Variants in CCT4 observed in about 807,000 individuals in gnomAD.
CCT4 encodes the protein T-complex protein 1 subunit delta.
CCT4 carries 17 observed loss-of-function variants against 62.5 expected under a neutral mutation model. The ratio of observed to expected loss-of-function variants is 0.27; its 90% CI spans 0.19 to 0.41. CCT4 has a LOEUF of 0.41. CCT4 is among the 10% of genes least tolerant of loss of function. The pLI is 1.00. For synonymous variants in CCT4, 250 were observed against 229.9 expected, an observed-to-expected ratio of 1.09 and a Z score of -0.79; for missense variants, 592 against 659.2, an observed-to-expected ratio of 0.90 and a Z score of 1.12.
intron 12 of CCT4, among the ~76,000 whole-genome samples, chr2:61,871,425 C>G (rs923971917): frequency 7.2e-5 from 11 of 152,230 alleles, no homozygotes; most frequent in African/African-American, 2.6e-4. Flanking sequence ...AGGTGAAGAA[C>G]TGCTTGGTCC....
At chr2:61,876,845 T>C in intron 7 of CCT4, 75 bp downstream of exon 7, 4 of 1,290,000 alleles carry the variant, frequency 3.1e-6, no homozygotes, top group Non-Finnish European at 4.3e-6. Flanking sequence ...TAGTATTTTC[T>C]ATTTTTAATA....
In CCT4 at chr2:61,879,026, A is replaced by T. The variant is rs748713191; in HGVS notation, c.380-15T>A. On this transcript the variant is annotated splice_polypyrimidine_tract_variant and intron_variant, in intron 4 of 13. Coordinates refer to ENST00000394440, the MANE Select transcript of CCT4 (RefSeq NM_006430.4). ...TGGATGAATCCCTGTAATTTGTGAAAGTCTAGTTATTTAATTGTAACAGGT... is the reference window on the plus strand; with the variant it reads ...TGGATGAATCCCTGTAATTTGTGAATGTCTAGTTATTTAATTGTAACAGGT... 3 of 1,575,952 alleles carry T rather than the reference A, an allele frequency of 1.9e-6. No homozygotes were observed. The highest frequency in any genetic ancestry group is 2.3e-5 in the South Asian group (2 of 85,364).
chr2:61,878,119 T>A (rs2105133222), intron 5 of CCT4, among the ~76,000 whole-genome samples: 1 of 152,294 alleles, frequency 6.6e-6, no homozygotes. Flanking sequence ...TCTAAGGACA[T>A]CCAACAGTAT....
chr2:61,878,830 T>A (rs762065548), intron 5 of CCT4, 39 bp downstream of exon 5: 1 of 1,497,162 alleles, frequency 6.7e-7, no homozygotes, highest in Non-Finnish European at 9.2e-7. Flanking sequence ...TAACACACTT[T>A]TAACTAATTT....
chr2:61,878,788 T>A lies in CCT4; in HGVS notation c.522+81A>T, dbSNP rs1669051894. ...CCTAGCCACTCTTGAGATTTAGTAT[T>A]TATGTACCGTATAGCATCAAGAATC... On this transcript the variant is annotated intron_variant, in intron 5 of 13. Coordinates refer to ENST00000394440, the MANE Select transcript of CCT4 (RefSeq NM_006430.4). 3.2e-5 allele frequency: 29 copies of A among 906,092 alleles called. No individual in the cohort carries two copies. The East Asian group carries it at 7.5e-4, about 23-fold the overall frequency. 56.1% of individuals were successfully genotyped at this position (906,092 alleles called of 1,614,324 possible). A position where few individuals can be genotyped will look rare whatever the true frequency, so the allele number is the denominator to read the frequency against.
chr2:61,878,448 G>A (rs1669045780), intron 5 of CCT4, among the ~76,000 whole-genome samples: 2 of 152,120 alleles, frequency 1.3e-5, no homozygotes, highest in African/African-American at 4.8e-5. Flanking sequence ...ATAAAATGGG[G>A]ATATGACTAT....
At chr2:61,886,978 T>C (rs779511095) in intron 1 of CCT4, among the ~76,000 whole-genome samples, 1 of 152,112 alleles carries the variant, frequency 6.6e-6, no homozygotes. Flanking sequence ...AGGCTGGTCT[T>C]GAACTCCTGA....
intron 7 of CCT4, 37 bp downstream of exon 7, chr2:61,876,882 TA>T (rs1669011713): frequency 3.9e-6 from 6 of 1,553,132 alleles, no homozygotes; most frequent in Non-Finnish European, 5.2e-6. Context: ...ATTAAAAAGT[TA>T]AACACAGAGA....
At chr2:61,875,303 G>A (rs1442047064) in intron 8 of CCT4, among the ~76,000 whole-genome samples, 2 of 152,186 alleles carry the variant, frequency 1.3e-5, no homozygotes, top group East Asian at 1.9e-4. Context: ...TAGAGGCTGG[G>A]TGCGGTGGCT....
chr2:61,872,506 C>T lies in CCT4; in HGVS notation c.1208G>A (p.Arg403His). ...AACACATAGGGCATCATGAATGGAG[C>T]GCTCAGCTTCTTCAATCACCAGTTT... ...SNKLVIEEAE[R>H]SIHDALCVIR... The change falls in exon 11 of 14, where the codon CGC becomes CAC. Residue 403 changes from arginine to histidine, a missense_variant. Transcript: ENST00000394440. 6.2e-7 allele frequency: 1 copy of T among 1,613,694 alleles called. No individual in the cohort carries two copies. Among genetic ancestry groups the T allele is most frequent in the Non-Finnish European group, 8.5e-7 (1 of 1,179,612 alleles).
At chr2:61,869,357 A>G (rs985930100) in intron 13 of CCT4, 83 bp downstream of exon 13, 4 of 787,394 alleles carry the variant, frequency 5.1e-6, no homozygotes, top group African/African-American at 3.5e-5. Flanking sequence ...CCAACCAACC[A>G]AACAACAACA....
At chr2:61,879,069 TGGC>T (rs1018856288) in intron 4 of CCT4, 58 bp from the exon 5 acceptor site, 2 of 1,353,250 alleles carry the variant, frequency 1.5e-6, no homozygotes, top group African/African-American at 2.9e-5. Context: ...ACATTTGACA[TGGC>T]TTAAAAATTT....
At chr2:61,883,591 A>C (rs779104655) in intron 2 of CCT4, 43 bp from the exon 3 acceptor site, 35 of 924,070 alleles carry the variant, frequency 3.8e-5, no homozygotes, top group Non-Finnish European at 5.6e-5. Flanking sequence ...GTCACACCTT[A>C]ATAGTTTTAT....
At position 61,888,647 on chromosome 2, in the gene CCT4, G is replaced by A. The variant is rs930687225; in HGVS notation, c.-140C>T. 5 of 983,118 alleles carry A rather than the reference G, an allele frequency of 5.1e-6. No homozygotes were observed. Among genetic ancestry groups the A allele is most frequent in the Non-Finnish European group, 7.2e-6 (5 of 692,522 alleles). The allele number at this position is 983,118 out of a possible 1,614,324, so 60.9% of individuals were successfully genotyped here. On this transcript the variant is annotated 5_prime_UTR_variant, in exon 1 of 14. Coordinates refer to ENST00000394440, the MANE Select transcript of CCT4 (RefSeq NM_006430.4). ...GGCGCCGGCGTCGGGAGGAGGCGGA[G>A]GCGGAGAAGGGGGCCTTCCTTGCCG...
rs758005377 is a variant in CCT4, at chr2:61,888,409, G to C, written c.99C>G (p.Ile33Met). 6.8e-6 allele frequency: 11 copies of C among 1,613,186 alleles called. No individual in the cohort carries two copies. In the East Asian group the frequency reaches 1.6e-4, roughly 23 times the overall value. ...TGGCGGCGGAAATGTTGCTGAAGCG[G>C]ATCTGGGCTGGCTTGTCGCGGTCCT... ...AYQDRDKPAQ[I>M]RFSNISAAKA... The change falls in exon 1 of 14, where the codon ATC (isoleucine) becomes ATG (methionine). Residue 33 changes from isoleucine to methionine, a missense_variant. Physicochemically the swap from Ile to Met is conservative, Grantham distance 10 (BLOSUM62 1). This residue lies in a region of CCT4 where 67 missense variants were observed against 71.1 expected (regional missense o/e 0.94). Coordinates refer to ENST00000394440, the MANE Select transcript of CCT4 (RefSeq NM_006430.4).
chr2:61,876,307 A>G (rs1045378248), intron 7 of CCT4, 73 bp from the exon 8 acceptor site: 3 of 1,160,590 alleles, frequency 2.6e-6, no homozygotes, highest in Non-Finnish European at 3.7e-6. Context: ...TTAAGCGAAA[A>G]TACTATGTGT....
intron 7 of CCT4, 90 bp downstream of exon 7, chr2:61,876,830 A>T: frequency 9.2e-7 from 1 of 1,088,578 alleles, no homozygotes; most frequent in Non-Finnish European, 1.3e-6. Flanking sequence ...GCTTTAAATC[A>T]CTAGTAGTAT....
Position 61,878,894 on chromosome 2 carries a change from C to T in CCT4, c.497G>A (p.Ser166Asn). Residue 166 changes from serine to asparagine, a missense_variant, in exon 5 of 14, where the codon AGT (serine) becomes AAT (asparagine). By Grantham distance (46) the Ser-to-Asn change is conservative. Around this residue, in one of 3 missense-constraint regions of CCT4, gnomAD observed 522 missense variants for 571.2 expected, o/e 0.91. Coordinates refer to ENST00000394440, the MANE Select transcript of CCT4 (RefSeq NM_006430.4). ...ELSDRETLLN[S>N]ATTSLNSKVV... ...CTTTGAGTTCAGTGAAGTGGTTGCA[C>T]TATTTAACAAAGTTTCTCTGTCACT... 1.2e-6 allele frequency: 2 copies of T among 1,610,398 alleles called. No homozygotes were observed. Among genetic ancestry groups the T allele is most frequent in the South Asian group, 1.1e-5 (1 of 90,272 alleles).
chr2:61,888,569 C>T lies in CCT4; in HGVS notation c.-62G>A, dbSNP rs943253852. 2.5e-6 allele frequency: 4 copies of T among 1,574,170 alleles called. No homozygotes were observed. The Admixed American group carries it at 7.0e-5, about 28-fold the overall frequency. On this transcript the variant is annotated 5_prime_UTR_variant, in exon 1 of 14. Transcript: ENST00000394440. The stretch of plus-strand genomic sequence containing the variant: ...ACGGATGGACCCGGATTCTGGCCGG[C>T]CGCAGTGTAATAACGGTAAGCCCTC...
Sources: gnomAD v4.1 joint callset for allele counts (sites outside exome capture counted in the v4.1 genomes callset) on GRCh38, gnomAD v4.1.1 for gene constraint, gnomAD v4.1.1 regional missense constraint, MANE v1.5 for transcripts, NCBI Gene and HGNC (gene_info 2026-07-23, HGNC 2026-07-21) for gene names.